SAMMSON: variants seen among roughly 807,000 people sequenced by gnomAD.
SAMMSON encodes survival associated mitochondrial melanoma specific oncogenic non-coding RNA.
downstream of SAMMSON, among the ~76,000 whole-genome samples, chr3:70,391,911 T>A (rs747470819): frequency 3.9e-5 from 6 of 152,136 alleles, no homozygotes; most frequent in Non-Finnish European, 5.9e-5. Context: ...CATGCAACAA[T>A]ATTTACAAGA....
intron 1 of SAMMSON, among the ~76,000 whole-genome samples, chr3:70,011,395 A>G (rs938392643): frequency 9.2e-5 from 14 of 152,108 alleles, no homozygotes; most frequent in African/African-American, 3.4e-4. Context: ...TGTTAGGACA[A>G]ATGATGTTCT....
intron 4 of SAMMSON, among the ~76,000 whole-genome samples, chr3:70,203,947 C>T (rs978764944): frequency 1.1e-4 from 16 of 152,110 alleles, no homozygotes; most frequent in African/African-American, 3.9e-4. Context: ...AGGAAAGGGA[C>T]CACACACGAT....
chr3:70,355,192 T>C (rs958887508), intron 8 of SAMMSON, among the ~76,000 whole-genome samples: 25 of 152,044 alleles, frequency 1.6e-4, no homozygotes, highest in African/African-American at 5.8e-4. Flanking sequence ...ACGCTGGAGA[T>C]CTGGTTGAGA....
chr3:70,302,979 C>T (rs1286908731), intron 7 of SAMMSON, among the ~76,000 whole-genome samples: 1 of 152,128 alleles, frequency 6.6e-6, no homozygotes, highest in African/African-American at 2.4e-5. Context: ...CACAGAAGAT[C>T]TCATCTTTTG....
At chr3:70,092,432 G>T (rs2067308082) in intron 4 of SAMMSON, among the ~76,000 whole-genome samples, 1 of 130,276 alleles carries the variant, frequency 7.7e-6, no homozygotes, top group East Asian at 2.3e-4. Flanking sequence ...CATCTTTCTT[G>T]ATCAAACTCA....
chr3:70,260,464 T>G (rs952807820), intron 6 of SAMMSON, among the ~76,000 whole-genome samples: 1 of 152,040 alleles, frequency 6.6e-6, no homozygotes, highest in African/African-American at 2.4e-5. Context: ...ATTTTTTACA[T>G]CCCCTCAGTT....
intron 9 of SAMMSON, among the ~76,000 whole-genome samples, chr3:70,383,181 T>C (rs180711309): frequency 1.9e-3 from 285 of 152,162 alleles, no homozygotes; most frequent in African/African-American, 5.7e-3. Flanking sequence ...TTAATGATTA[T>C]ACTTTGAGAG....
intron 4 of SAMMSON, among the ~76,000 whole-genome samples, chr3:70,248,801 T>C (rs1285896089): frequency 6.6e-6 from 1 of 152,066 alleles, no homozygotes. Flanking sequence ...CAAGATAGTA[T>C]TGAGTAGGCT....
intron 3 of SAMMSON, among the ~76,000 whole-genome samples, chr3:70,063,902 C>T (rs990387431): frequency 3.9e-5 from 6 of 152,118 alleles, no homozygotes; most frequent in African/African-American, 1.4e-4. Context: ...TCAGCATCAT[C>T]ATTCTTCATC....
chr3:70,041,430 C>T (rs557124407), intron 3 of SAMMSON, among the ~76,000 whole-genome samples: 1 of 152,058 alleles, frequency 6.6e-6, no homozygotes, highest in East Asian at 1.9e-4. Context: ...GAAATTGAGG[C>T]CTGTAAGAGG....
At chr3:70,149,888 A>G (rs187368674) in intron 4 of SAMMSON, among the ~76,000 whole-genome samples, 82 of 152,182 alleles carry the variant, frequency 5.4e-4, no homozygotes, top group South Asian at 3.9e-3. Context: ...GCAGAAACCC[A>G]AACATACACT....
At chr3:70,041,373 C>T (rs1262321343) in intron 3 of SAMMSON, among the ~76,000 whole-genome samples, 4 of 152,038 alleles carry the variant, frequency 2.6e-5, no homozygotes, top group East Asian at 3.9e-4. Flanking sequence ...TCTGCTTCTA[C>T]GTTAAAATTT....
intron 4 of SAMMSON, among the ~76,000 whole-genome samples, chr3:70,104,776 G>C (rs2067360645): frequency 6.6e-6 from 1 of 152,128 alleles, no homozygotes; most frequent in African/African-American, 2.4e-5. Flanking sequence ...ATCTCTATGT[G>C]TGGGTATGTT....
intron 4 of SAMMSON, among the ~76,000 whole-genome samples, chr3:70,211,107 A>G (rs1170863004): frequency 6.6e-6 from 1 of 152,074 alleles, no homozygotes; most frequent in Non-Finnish European, 1.5e-5. Context: ...AAAGCATTCA[A>G]ATGATGAATA....
chr3:70,170,579 C>CTTTTTTTTTTTTTT (rs538385626), intron 4 of SAMMSON, among the ~76,000 whole-genome samples: 40 of 105,488 alleles, frequency 3.8e-4, no homozygotes, highest in Non-Finnish European at 4.9e-4. Context: ...CTAGATTTTC[C>CTTTTTTTTTTTTTT]TTTTTTTTTT....
chr3:70,286,834 G>T (rs1361689743), intron 6 of SAMMSON, among the ~76,000 whole-genome samples: 3 of 152,116 alleles, frequency 2.0e-5, no homozygotes, highest in African/African-American at 7.2e-5. Context: ...GCGAATGAGA[G>T]TTCTCATGAT....
At chr3:70,092,834 G>A (rs1281783795) in intron 4 of SAMMSON, among the ~76,000 whole-genome samples, 2 of 151,612 alleles carry the variant, frequency 1.3e-5, no homozygotes, top group Non-Finnish European at 2.9e-5. Flanking sequence ...ACCTGAGACA[G>A]ACAGGTTTAG....
intron 4 of SAMMSON, among the ~76,000 whole-genome samples, chr3:70,074,407 A>C (rs1006560398): frequency 4.6e-5 from 7 of 152,044 alleles, no homozygotes; most frequent in Non-Finnish European, 1.0e-4. Context: ...CATATTTCTT[A>C]ATGCACCCAT....
chr3:70,018,118 T>C (rs9854186), intron 3 of SAMMSON, among the ~76,000 whole-genome samples: 69,327 of 151,996 alleles, frequency 0.46, 16,883 homozygotes, highest in East Asian at 0.63. Context: ...GAGGGAGGAT[T>C]CCCTCTTTTT....
Sources: gnomAD v4.1 joint callset for allele counts (sites outside exome capture counted in the v4.1 genomes callset) on GRCh38, gnomAD v4.1.1 for gene constraint, MANE v1.5 for transcripts, NCBI Gene and HGNC (gene_info 2026-07-23, HGNC 2026-07-21) for gene names.